Variants in CATSPERE observed in about 807,000 individuals in gnomAD.
The protein encoded by CATSPERE is catsper channel auxiliary subunit epsilon.
CATSPERE carries 93 observed loss-of-function variants against 114.1 expected under a neutral mutation model. That is an observed-to-expected ratio of 0.81 (90% CI 0.69 to 0.97). The LOEUF (loss-of-function observed/expected upper bound fraction) is 0.97. CATSPERE is among the 50% of genes least tolerant of loss of function. The pLI, the probability that CATSPERE is intolerant of heterozygous loss-of-function variation, is 0.00. For synonymous variants in CATSPERE, 341 were observed against 384.1 expected, an observed-to-expected ratio of 0.89 and a Z score of 1.31; for missense variants, 1,058 against 1,131.6, an observed-to-expected ratio of 0.93 and a Z score of 0.93.
intron 17 of CATSPERE, among the ~76,000 whole-genome samples, chr1:244,605,482 CAA>C (rs113047604): frequency 0.062 from 9,448 of 151,784 alleles, 983 homozygotes; most frequent in African/African-American, 0.22. Flanking sequence ...ATCCAGCTGT[CAA>C]AAGACACCTA....
intron 8 of CATSPERE, among the ~76,000 whole-genome samples, chr1:244,542,612 A>C (rs1003537563): frequency 1.3e-5 from 2 of 152,058 alleles, no homozygotes; most frequent in Non-Finnish European, 2.9e-5. Context: ...GAGTTATTTC[A>C]CTTAAGATAA....
At chr1:244,538,763 T>G (rs1680746133) in intron 8 of CATSPERE, among the ~76,000 whole-genome samples, 1 of 152,190 alleles carries the variant, frequency 6.6e-6, no homozygotes, top group African/African-American at 2.4e-5. Context: ...TCTGGGACCC[T>G]TCACAGGAGG....
At position 244,575,602 on chromosome 1, in the gene CATSPERE, G is replaced by A. The variant is rs1665125309; in HGVS notation, c.1950+2830G>A. Among the ~76,000 whole-genome samples the A allele has an allele frequency of 6.6e-6, 1 of 152,166 alleles. No homozygotes were observed. Among genetic ancestry groups the A allele is most frequent in the Non-Finnish European group, 1.5e-5 (1 of 68,030 alleles). The stretch of plus-strand genomic sequence containing the variant: ...CATCCTAGCCACTGCCACTCTTCCA[G>A]GTGCTAGTAATCTACAACAATGTGG... On this transcript the variant is annotated intron_variant, in intron 11 of 21. Coordinates refer to ENST00000366534, the MANE Select transcript of CATSPERE (RefSeq NM_001130957.2). The surrounding 1 kb of genome is among the most constrained non-coding windows in gnomAD (Gnocchi z 4.5).
At chr1:244,525,672 A>G (rs1678469803) in intron 8 of CATSPERE, among the ~76,000 whole-genome samples, 1 of 152,188 alleles carries the variant, frequency 6.6e-6, no homozygotes, top group Non-Finnish European at 1.5e-5. Flanking sequence ...ATACCACTGT[A>G]TACCCTAGAG....
intron 5 of CATSPERE, among the ~76,000 whole-genome samples, chr1:244,489,651 C>T (rs1374598216): frequency 3.3e-5 from 5 of 151,810 alleles, no homozygotes; most frequent in Non-Finnish European, 5.9e-5. Context: ...TGTCATTTTC[C>T]AGTGGCTGTC....
chr1:244,625,660 C>T (rs1219504472), intron 20 of CATSPERE, among the ~76,000 whole-genome samples: 4 of 150,376 alleles, frequency 2.7e-5, no homozygotes, highest in Admixed American at 2.7e-4. Context: ...ATCTCTTGAC[C>T]TTGTGATCCG....
At chr1:244,553,918 A>G (rs1661186205) in intron 9 of CATSPERE, among the ~76,000 whole-genome samples, 1 of 152,116 alleles carries the variant, frequency 6.6e-6, no homozygotes, top group South Asian at 2.1e-4. Flanking sequence ...GAGTGAGAAC[A>G]TGTAGTATTT....
intron 2 of CATSPERE, among the ~76,000 whole-genome samples, chr1:244,477,013 G>C (rs919757955): frequency 2.0e-5 from 3 of 151,426 alleles, no homozygotes; most frequent in African/African-American, 7.3e-5. Flanking sequence ...TCTTTTTTTT[G>C]AGATGGAGTT....
intron 5 of CATSPERE, among the ~76,000 whole-genome samples, chr1:244,485,702 G>T (rs12565655): frequency 0.27 from 37,009 of 137,440 alleles, 4,845 homozygotes; most frequent in East Asian, 0.5. Flanking sequence ...TGTTTTTTTT[G>T]TTTTTTTTTT....
At chr1:244,513,198 C>T (rs1402717871) in intron 7 of CATSPERE, among the ~76,000 whole-genome samples, 2 of 152,080 alleles carry the variant, frequency 1.3e-5, no homozygotes, top group African/African-American at 4.8e-5. Flanking sequence ...CCTTGCAGCA[C>T]GTGAGTACCA....
At position 244,573,446 on chromosome 1, in the gene CATSPERE, A is replaced by AC. The variant is rs1553366724; in HGVS notation, c.1950+674_1950+675insC. Among the ~76,000 whole-genome samples, 196 of 151,692 alleles carry AC rather than the reference A, an allele frequency of 1.3e-3. 1 individual carries two copies. Among genetic ancestry groups the AC allele is most frequent in the African/African-American group, 4.4e-3 (181 of 41,238 alleles). On this transcript the variant is annotated intron_variant, in intron 11 of 21. Coordinates refer to ENST00000366534, the MANE Select transcript of CATSPERE (RefSeq NM_001130957.2). This position sits in a 1 kb window ranked among gnomAD's most constrained non-coding sequence, Gnocchi z 4.0. ...ACAAAACAAAACAAAACAAAACAAA[A>AC]AAACCAATTCTATCCGTCAATAGTT... is the stretch of plus-strand genomic sequence containing the variant.
intron 17 of CATSPERE, among the ~76,000 whole-genome samples, chr1:244,594,587 AG>A (rs1389749812): frequency 1.3e-5 from 2 of 152,242 alleles, no homozygotes; most frequent in Non-Finnish European, 2.9e-5. Flanking sequence ...TCACGAGTCC[AG>A]GTATGCTGTT....
At chr1:244,619,486 G>C (rs1671816033) in intron 20 of CATSPERE, among the ~76,000 whole-genome samples, 1 of 152,170 alleles carries the variant, frequency 6.6e-6, no homozygotes. Context: ...CTCAAAACTG[G>C]TTATTTCCAC....
In CATSPERE at chr1:244,498,915, A is replaced by T. The variant is rs1673549921; in HGVS notation, c.352-87A>T. 5.0e-6 allele frequency: 5 copies of T among 1,002,278 alleles called. 1 individual carries two copies. The South Asian group carries it at 7.4e-5, about 15-fold the overall frequency. The allele number at this position is 1,002,278 out of a possible 1,614,324, so 62.1% of individuals were successfully genotyped here. Reference sequence around the variant, plus strand: ...TCCATCTCAAAAAAATAAAAAAATAAAAACATGTTTATGGTTATGTTTTGC... The same window carrying T: ...TCCATCTCAAAAAAATAAAAAAATATAAACATGTTTATGGTTATGTTTTGC... On this transcript the variant is annotated intron_variant, in intron 6 of 21. Transcript: ENST00000366534.
At chr1:244,523,012 G>A (rs954033315) in intron 8 of CATSPERE, among the ~76,000 whole-genome samples, 5 of 149,114 alleles carry the variant, frequency 3.4e-5, no homozygotes, top group Non-Finnish European at 7.4e-5. Context: ...TGATACCAAA[G>A]CCGGGCAGAG....
intron 7 of CATSPERE, among the ~76,000 whole-genome samples, chr1:244,516,760 G>T (rs1351591022): frequency 6.6e-6 from 1 of 152,068 alleles, no homozygotes; most frequent in African/African-American, 2.4e-5. Context: ...GACTTCAGGT[G>T]ATCCACCTAC....
At chr1:244,595,869 C>T (rs1006640545) in intron 17 of CATSPERE, among the ~76,000 whole-genome samples, 1 of 152,030 alleles carries the variant, frequency 6.6e-6, no homozygotes, top group African/African-American at 2.4e-5. Context: ...GGAGGCGGAG[C>T]TTGCAGTGAG....
chr1:244,526,442 C>A (rs1363933800), intron 8 of CATSPERE, among the ~76,000 whole-genome samples: 1 of 151,644 alleles, frequency 6.6e-6, no homozygotes, highest in African/African-American at 2.4e-5. Flanking sequence ...AAAATAATTT[C>A]TTACATGTCC....
chr1:244,621,134 TATAAA>T (rs1672171948), intron 20 of CATSPERE, among the ~76,000 whole-genome samples: 10 of 57,690 alleles, frequency 1.7e-4, no homozygotes, highest in African/African-American at 3.5e-4. Context: ...TATAAATATA[TATAAA>T]ATATATATAT....
Sources: allele counts gnomAD v4.1 joint callset (sites outside exome capture counted in the v4.1 genomes callset), GRCh38; gene constraint gnomAD v4.1.1; non-coding constraint Gnocchi (gnomAD v3.1); transcripts MANE v1.5; gene names NCBI Gene and HGNC (gene_info 2026-07-23, HGNC 2026-07-21).